The following C6 variants were observed in gnomAD, a reference collection of about 807,000 sequenced individuals.
C6 encodes the protein complement component C6.
A neutral mutation model predicts 112.9 loss-of-function variants in C6; 101 were observed. That is an observed-to-expected ratio of 0.89 (90% CI 0.76 to 1.06). C6 has a LOEUF of 1.06. C6 is among the 50% of genes least tolerant of loss of function. The pLI, the probability that C6 is intolerant of heterozygous loss-of-function variation, is 0.00. For synonymous variants in C6, 431 were observed against 384.1 expected, an observed-to-expected ratio of 1.12 and a Z score of -1.43; for missense variants, 1,202 against 1,104.6, an observed-to-expected ratio of 1.09 and a Z score of -1.25.
intron 8 of C6, among the ~76,000 whole-genome samples, chr5:41,173,054 C>T (rs1580109158): frequency 6.6e-6 from 1 of 152,248 alleles, no homozygotes; most frequent in African/African-American, 2.4e-5. Flanking sequence ...TAATTCAAGC[C>T]TGTACTTGAT....
At chr5:41,166,179 A>G (rs1475433846) in intron 9 of C6, among the ~76,000 whole-genome samples, 2 of 152,142 alleles carry the variant, frequency 1.3e-5, no homozygotes, top group East Asian at 1.9e-4. Flanking sequence ...TGCAGCACCT[A>G]TTAACATTCT....
At chr5:41,215,830 A>C (rs1752178743), upstream of C6, among the ~76,000 whole-genome samples, 1 of 152,150 alleles carries the variant, frequency 6.6e-6, no homozygotes, top group Non-Finnish European at 1.5e-5. Context: ...TCTGCCAAGA[A>C]AATAACCACA....
At position 41,159,154 on chromosome 5, in the gene C6, T is replaced by C. The variant is rs1561106391; in HGVS notation, c.1784A>G (p.Gln595Arg). The C allele has an allele frequency of 6.2e-7, 1 of 1,613,542 alleles. No individual in the cohort carries two copies. Among genetic ancestry groups the C allele is most frequent in the South Asian group, 1.1e-5 (1 of 91,060 alleles). Residue 595 changes from glutamine to arginine, a missense_variant, in exon 12 of 18, where the codon CAA (glutamine) becomes CGA (arginine). Coordinates refer to ENST00000337836, the MANE Select transcript of C6 (RefSeq NM_000065.5). ...RTRECNNPAP[Q>R]RGGKRCEGEK... ...CCCCTCACAGCGTTTCCCTCCTCGT[T>C]GGGGGGCAGGATTATTGCATTCTCG...
chr5:41,251,278 AAAC>A (rs1260130348), intron 1 of C6, among the ~76,000 whole-genome samples: 2 of 152,192 alleles, frequency 1.3e-5, no homozygotes, highest in Middle Eastern at 3.2e-3. Flanking sequence ...TAGTCCAAAT[AAAC>A]AACAAGCAGG....
intron 2 of C6, 30 bp from the exon 3 acceptor site, chr5:41,201,744 A>C (rs556458074): frequency 6.3e-7 from 1 of 1,584,454 alleles, no homozygotes; most frequent in South Asian, 1.1e-5. Flanking sequence ...GTTGCTTAGA[A>C]TGAGTGTATT....
At chr5:41,188,980 T>C (rs1296498284) in intron 5 of C6, among the ~76,000 whole-genome samples, 2 of 151,992 alleles carry the variant, frequency 1.3e-5, no homozygotes, top group Non-Finnish European at 2.9e-5. Flanking sequence ...TCTAAATATA[T>C]AGTTCTTTGA....
At chr5:41,172,474 A>G (rs1451532023) in intron 8 of C6, 127 bp from the exon 9 acceptor site, 1 of 917,484 alleles carries the variant, frequency 1.1e-6, no homozygotes, top group East Asian at 2.6e-5. Flanking sequence ...CCCAGTCCCC[A>G]TAATCTTAAG....
chr5:41,247,743 A>T (rs1176387269), intron 1 of C6, among the ~76,000 whole-genome samples: 1 of 151,680 alleles, frequency 6.6e-6, no homozygotes, highest in Non-Finnish European at 1.5e-5. Context: ...AAAGCAATAT[A>T]TCTAACCAAG....
chr5:41,150,012 T>A lies in C6; in HGVS notation c.2304A>T (p.Lys768Asn). The A allele has an allele frequency of 6.2e-7, 1 of 1,610,646 alleles. No homozygotes were observed. Among genetic ancestry groups the A allele is most frequent in the East Asian group, 2.2e-5 (1 of 44,808 alleles). The change falls in exon 16 of 18, where the codon AAA (lysine) becomes AAT (asparagine). Residue 768 changes from lysine to asparagine, a missense_variant. Coordinates refer to ENST00000337836, the MANE Select transcript of C6 (RefSeq NM_000065.5). Reference sequence around the variant, plus strand: ...GTCCCAGCTGACAATGGCCTTTTAATTTTGTTAGAGTATCTGAAACAAAAG... The same window carrying A: ...GTCCCAGCTGACAATGGCCTTTTAAATTTGTTAGAGTATCTGAAACAAAAG... ...SLTCEKDTLT[K>N]LKGHCQLGQK... is the part of the protein sequence containing the mutation.
chr5:41,202,961 C>T lies in C6; in HGVS notation c.143+127G>A, dbSNP rs1022690315. 5 of 941,466 alleles carry T rather than the reference C, an allele frequency of 5.3e-6. No homozygotes were observed. In the South Asian group the frequency reaches 5.4e-5, roughly 10 times the overall value. The allele number at this position is 941,466 out of a possible 1,614,324, so 58.3% of individuals were successfully genotyped here. ...ATAAGAGAGAGACTTCAAATTTCAT[C>T]CAAATTTGTAAGTTCTTACTTTGAT... On this transcript the variant is annotated intron_variant, in intron 2 of 17. Transcript: ENST00000337836.
chr5:41,247,219 G>T (rs1011912794), intron 1 of C6, among the ~76,000 whole-genome samples: 2 of 151,932 alleles, frequency 1.3e-5, no homozygotes, highest in African/African-American at 4.8e-5. Flanking sequence ...TAAATAAAAG[G>T]CATCCAAATA....
intron 1 of C6, among the ~76,000 whole-genome samples, chr5:41,254,997 C>G (rs891504793): frequency 6.6e-6 from 1 of 152,162 alleles, no homozygotes; most frequent in African/African-American, 2.4e-5. Context: ...TGTCTGATTC[C>G]TGGTCATCCA....
chr5:41,208,362 A>G (rs1195860823), intron 1 of C6, among the ~76,000 whole-genome samples: 1 of 152,198 alleles, frequency 6.6e-6, no homozygotes, highest in African/African-American at 2.4e-5. Context: ...GCAAGAAATA[A>G]CTAAGATCAG....
At chr5:41,233,089 A>G (rs1467464070) in intron 1 of C6, among the ~76,000 whole-genome samples, 1 of 152,096 alleles carries the variant, frequency 6.6e-6, no homozygotes, top group Non-Finnish European at 1.5e-5. Flanking sequence ...TTTAAAAATT[A>G]ATTTGACAAC....
chr5:41,259,144 G>T (rs74989517), intron 1 of C6, among the ~76,000 whole-genome samples: 3,902 of 152,254 alleles, frequency 0.026, 169 homozygotes, highest in African/African-American at 0.089. Flanking sequence ...TAATAAATTG[G>T]TGTTGCCTTT....
In C6 at chr5:41,172,361, T is replaced by A; in HGVS notation, c.1169-14A>T. 1 of 1,613,092 alleles carries A rather than the reference T, an allele frequency of 6.2e-7. No homozygotes were observed. The highest frequency in any genetic ancestry group is 8.5e-7 in the Non-Finnish European group (1 of 1,179,350). ...CCTCGGTTAAACCTAGGAGATGAAG[T>A]ACAAACAGAAACCACTGAGAATGCA... On this transcript the variant is annotated splice_polypyrimidine_tract_variant and intron_variant, in intron 8 of 17. Transcript: ENST00000337836.
At chr5:41,158,874 C>G in intron 12 of C6, 89 bp from the exon 13 acceptor site, 1 of 970,082 alleles carries the variant, frequency 1.0e-6, no homozygotes. Context: ...CATGTGTACA[C>G]ATTGCATACA....
chr5:41,163,426 C>A (rs1381684445), intron 9 of C6, among the ~76,000 whole-genome samples: 1 of 151,850 alleles, frequency 6.6e-6, no homozygotes, highest in Non-Finnish European at 1.5e-5. Flanking sequence ...GATTCTCCTG[C>A]CTCAGCCTCC....
At chr5:41,238,170 T>G (rs1416771844) in intron 1 of C6, among the ~76,000 whole-genome samples, 1 of 106,596 alleles carries the variant, frequency 9.4e-6, no homozygotes, top group African/African-American at 3.6e-5. Flanking sequence ...AATTTACAGA[T>G]TCAATGCCAT....
Sources: gnomAD v4.1 joint callset for allele counts (sites outside exome capture counted in the v4.1 genomes callset) on GRCh38, gnomAD v4.1.1 for gene constraint, MANE v1.5 for transcripts, NCBI Gene and HGNC (gene_info 2026-07-23, HGNC 2026-07-21) for gene names.